Variants in ERMARD observed in about 807,000 individuals in gnomAD.
ERMARD encodes the protein ER membrane associated RNA degradation, also known as endoplasmic reticulum membrane-associated RNA degradation protein.
ERMARD carries 71 observed loss-of-function variants against 83.9 expected under a neutral mutation model. The ratio of observed to expected loss-of-function variants is 0.85; its 90% CI spans 0.70 to 1.03. ERMARD has a LOEUF of 1.03. Ranked by LOEUF, ERMARD falls within the 50% of genes least tolerant of loss-of-function variation. The pLI, the probability that ERMARD is intolerant of heterozygous loss-of-function variation, is 0.00. For synonymous variants in ERMARD, 284 were observed against 298.6 expected (o/e 0.95, Z 0.50); for missense variants, 838 against 810.9 (o/e 1.03, Z -0.41).
At chr6:169,761,505 C>T (rs1004277221) in intron 8 of ERMARD, among the ~76,000 whole-genome samples, 1 of 152,174 alleles carries the variant, frequency 6.6e-6, no homozygotes, top group Non-Finnish European at 1.5e-5. Flanking sequence ...TAGGAGTGAG[C>T]CACTGCACCC....
At chr6:169,751,563 G>C (rs925376351), upstream of ERMARD, 260 of 1,609,198 alleles carry the variant, frequency 1.6e-4, no homozygotes, top group Non-Finnish European at 2.0e-4. Context: ...CGCCTCGTAC[G>C]GTAGGAAGTG....
intron 12 of ERMARD, among the ~76,000 whole-genome samples, chr6:169,772,770 C>CAAA (rs60417475): frequency 6.0e-5 from 6 of 100,148 alleles, no homozygotes; most frequent in African/African-American, 1.4e-4. Flanking sequence ...GACTCTGTCT[C>CAAA]AAAAAAAAAA....
At chr6:169,762,682 G>A (rs1791704627) in intron 9 of ERMARD, 151 bp downstream of exon 9, 2 of 613,462 alleles carry the variant, frequency 3.3e-6, no homozygotes, top group Non-Finnish European at 5.6e-6. Context: ...ATTTCTATAG[G>A]ATTTATATTT....
intron 7 of ERMARD, among the ~76,000 whole-genome samples, chr6:169,760,380 C>T (rs1585360352): frequency 6.6e-6 from 1 of 152,324 alleles, no homozygotes; most frequent in Non-Finnish European, 1.5e-5. Flanking sequence ...TGTTTTACTT[C>T]TCTTGGTCAT....
chr6:169,770,736 C>T (rs879400651), intron 12 of ERMARD: 6 of 152,112 alleles, frequency 3.9e-5, no homozygotes, highest in Non-Finnish European at 8.8e-5. Flanking sequence ...CCTCTTACCT[C>T]AGCCTCTTGA....
intron 1 of ERMARD, 143 bp downstream of exon 1, chr6:169,751,806 G>A: frequency 1.6e-6 from 2 of 1,245,894 alleles, no homozygotes; most frequent in Non-Finnish European, 2.1e-6. Context: ...CGCTGGCGAC[G>A]TCGCGGCCCT....
chr6:169,767,327 T>G (rs1562335399), intron 10 of ERMARD: 1 of 152,424 alleles, frequency 6.6e-6, no homozygotes, highest in East Asian at 1.9e-4. Flanking sequence ...TTTTAATGTG[T>G]AAGACCTTTG....
intron 7 of ERMARD, 60 bp downstream of exon 7, chr6:169,760,034 A>G: frequency 6.2e-7 from 1 of 1,605,470 alleles, no homozygotes. Context: ...CAAAGTCAGT[A>G]AACAGCATTA....
intron 13 of ERMARD, among the ~76,000 whole-genome samples, chr6:169,774,870 T>C (rs948508140): frequency 6.6e-6 from 1 of 152,164 alleles, no homozygotes; most frequent in Admixed American, 6.5e-5. Flanking sequence ...CTGCTGCACC[T>C]CGAGTGCGGC....
At chr6:169,779,819 C>A (rs1017174640) in intron 17 of ERMARD, among the ~76,000 whole-genome samples, 8 of 152,166 alleles carry the variant, frequency 5.3e-5, no homozygotes, top group African/African-American at 1.9e-4. Context: ...TTCGGGAAGT[C>A]CACTTTTAGG....
In ERMARD at chr6:169,781,482, C is replaced by T; in HGVS notation, c.2006C>T (p.Ala669Val). ...SEKKQMLIHL[A>V]KKSTSKVLL ...AAGAAACAAATGTTAATACATTTAG[C>T]CAAGAAATCCACAAGTAAAGTACTC... Residue 669 changes from alanine (A) to valine (V), a missense_variant, in exon 18 of 18, where the codon GCC becomes GTC. By Grantham distance (64) the Ala-to-Val change is moderately conservative. Coordinates refer to ENST00000366773, the MANE Select transcript of ERMARD (RefSeq NM_018341.3). 6.2e-7 allele frequency: 1 copy of T among 1,603,160 alleles called. No individual in the cohort carries two copies. The highest frequency in any genetic ancestry group is 8.5e-7 in the Non-Finnish European group (1 of 1,175,528).
chr6:169,773,520 C>T, intron 13 of ERMARD, 118 bp downstream of exon 13: 2 of 1,002,798 alleles, frequency 2.0e-6, no homozygotes, highest in Non-Finnish European at 3.0e-6. Context: ...TTGGGCAGAT[C>T]CAGCTTTTTA....
chr6:169,751,322 G>A (rs2128337837), upstream of ERMARD: 1 of 1,610,786 alleles, frequency 6.2e-7, no homozygotes, highest in East Asian at 2.2e-5. Context: ...CGGGCCCCTA[G>A]CAGTCTCCGC....
intron 13 of ERMARD, 101 bp downstream of exon 13, chr6:169,773,503 C>A: frequency 8.4e-7 from 1 of 1,185,714 alleles, no homozygotes; most frequent in South Asian, 1.3e-5. Context: ...CTGAGTCAGA[C>A]TTTGAGTTGG....
At chr6:169,780,028 G>T (rs1233291364) in intron 17 of ERMARD, among the ~76,000 whole-genome samples, 1 of 152,214 alleles carries the variant, frequency 6.6e-6, no homozygotes, top group East Asian at 1.9e-4. Flanking sequence ...TGCTTTGCAG[G>T]TGCCAGGCAC....
chr6:169,769,841 GA>G (rs1792684372), intron 12 of ERMARD, 128 bp downstream of exon 12: 13 of 799,914 alleles, frequency 1.6e-5, no homozygotes, highest in South Asian at 7.6e-5. Flanking sequence ...TCCTCCATCA[GA>G]AAAAAAAGTG....
chr6:169,779,113 C>CT lies in ERMARD; in HGVS notation c.1740-64dup. ...TAAGGATGTTGATTAGGTGAAACATCTTTTTCCTGATGAAGGTGGAAAATA... is the reference window on the plus strand; with the variant it reads ...TAAGGATGTTGATTAGGTGAAACATCTTTTTTCCTGATGAAGGTGGAAAATA... On this transcript the variant is annotated intron_variant, in intron 16 of 17. Coordinates refer to ENST00000366773, the MANE Select transcript of ERMARD (RefSeq NM_018341.3). 5 of 1,348,970 alleles carry CT rather than the reference C, an allele frequency of 3.7e-6. No individual in the cohort carries two copies. The South Asian group carries it at 5.9e-5, about 16-fold the overall frequency. 83.6% of individuals were successfully genotyped at this position (1,348,970 alleles called of 1,614,324 possible).
In ERMARD at chr6:169,776,653, C is replaced by G; in HGVS notation, c.1719C>G (p.Asn573Lys). The change falls in exon 16 of 18, where the codon AAC (asparagine) becomes AAG (lysine). Residue 573 changes from asparagine to lysine, a missense_variant. Asn to Lys is a moderately conservative substitution (Grantham distance 94). Coordinates refer to ENST00000366773, the MANE Select transcript of ERMARD (RefSeq NM_018341.3). ...CGCTGCGGTCTCGCCAGCGGCAGAACTACCTGCGTATGTGGAGTAGGTGCG... is the reference window on the plus strand; with the variant it reads ...CGCTGCGGTCTCGCCAGCGGCAGAAGTACCTGCGTATGTGGAGTAGGTGCG... ...ERTLRSRQRQ[N>K]YLRMWSSIRL... The G allele has an allele frequency of 6.2e-7, 1 of 1,613,952 alleles. No individual in the cohort carries two copies. The highest frequency in any genetic ancestry group is 8.5e-7 in the Non-Finnish European group (1 of 1,180,026).
chr6:169,771,942 G>A (rs1792976754), intron 12 of ERMARD: 1 of 152,336 alleles, frequency 6.6e-6, no homozygotes, highest in Admixed American at 6.5e-5. Context: ...GAACACGGAA[G>A]GCACATGTTG....
Sources: allele counts gnomAD v4.1 joint callset (sites outside exome capture counted in the v4.1 genomes callset), GRCh38; gene constraint gnomAD v4.1.1; transcripts MANE v1.5; gene names NCBI Gene and HGNC (gene_info 2026-07-23, HGNC 2026-07-21).